MYSM1: variants seen among roughly 807,000 people sequenced by gnomAD.
The protein encoded by MYSM1 is deubiquitinase MYSM1.
A neutral mutation model predicts 116.0 loss-of-function variants in MYSM1; 51 were observed. The observed-to-expected ratio is 0.44, with a 90% confidence interval of 0.35 to 0.56. MYSM1 has a LOEUF of 0.56. Ranked by LOEUF, MYSM1 falls within the 20% of genes least tolerant of loss-of-function variation. The pLI, the probability that MYSM1 is intolerant of heterozygous loss-of-function variation, is 0.00. For missense variants in MYSM1, 900 were observed against 974.9 expected (o/e 0.92, Z 1.02); for synonymous variants, 313 against 315.2 (o/e 0.99, Z 0.07).
At chr1:58,686,726 C>T (rs1644832766) in intron 6 of MYSM1, among the ~76,000 whole-genome samples, 1 of 151,980 alleles carries the variant, frequency 6.6e-6, no homozygotes, top group Non-Finnish European at 1.5e-5. Flanking sequence ...AAATAGATAA[C>T]ATTGGTAGGT....
At chr1:58,674,755 C>T (rs994986113) in intron 10 of MYSM1, among the ~76,000 whole-genome samples, 2 of 151,752 alleles carry the variant, frequency 1.3e-5, no homozygotes, top group African/African-American at 4.8e-5. Context: ...GAAACCCTGT[C>T]TCTACTAAAA....
intron 10 of MYSM1, among the ~76,000 whole-genome samples, chr1:58,674,018 A>C (rs958489642): frequency 6.6e-6 from 1 of 152,144 alleles, no homozygotes; most frequent in African/African-American, 2.4e-5. Flanking sequence ...TAGGAGCTAA[A>C]ACACTATGAC....
chr1:58,681,207 T>C (rs1448660957), intron 8 of MYSM1, among the ~76,000 whole-genome samples: 1 of 152,224 alleles, frequency 6.6e-6, no homozygotes, highest in East Asian at 1.9e-4. Context: ...GTGGGAAATT[T>C]TGGGGTTTGT....
At position 58,656,766 on chromosome 1, in the gene MYSM1, G is replaced by A. The variant is rs1644324243; in HGVS notation, c.*3231C>T. The A allele has an allele frequency of 6.6e-6, 1 of 152,156 alleles. No individual in the cohort carries two copies. 9.4% of individuals were successfully genotyped at this position (152,156 alleles called of 1,614,324 possible). A position where few individuals can be genotyped will look rare whatever the true frequency, so the allele number is the denominator to read the frequency against. On this transcript the variant is annotated 3_prime_UTR_variant, in exon 20 of 20. Coordinates refer to ENST00000472487, the MANE Select transcript of MYSM1 (RefSeq NM_001085487.3). ...TGATGCCCTTCAGAATACAGGCAAT[G>A]CCAACTTATCCATTAGGCACAGTAC...
At chr1:58,690,946 T>C (rs889860367) in intron 3 of MYSM1, among the ~76,000 whole-genome samples, 11 of 152,128 alleles carry the variant, frequency 7.2e-5, no homozygotes, top group Admixed American at 5.2e-4. Context: ...AACATTTAGA[T>C]CAAATCTACC....
rs756651898 is a variant in MYSM1 at position 58,682,343 on chromosome 1, G to A, written c.701C>T (p.Ser234Phe). 7 of 1,614,086 alleles carry A rather than the reference G, an allele frequency of 4.3e-6. No individual in the cohort carries two copies. The highest frequency in any genetic ancestry group is 1.7e-5 in the Admixed American group (1 of 60,012). ...DITDEVDELS[S>F]QTPQKNSSSD... ...GCTAGAATTCTTCTGGGGTGTTTGA[G>A]AAGACAACTCGTCCACCTCATCTGT... Residue 234 changes from serine to phenylalanine, a missense_variant, in exon 8 of 20, where the codon TCT becomes TTT. Physicochemically the swap from Ser to Phe is radical, Grantham distance 155. Coordinates refer to ENST00000472487, the MANE Select transcript of MYSM1 (RefSeq NM_001085487.3).
chr1:58,673,777 A>G (rs1644601318), intron 10 of MYSM1, 127 bp from the exon 11 acceptor site: 1 of 742,528 alleles, frequency 1.3e-6, no homozygotes, highest in East Asian at 2.9e-5. Flanking sequence ...AAATAGTATA[A>G]CCTCTGGCAA....
chr1:58,670,269 G>C (rs991458996), intron 12 of MYSM1, among the ~76,000 whole-genome samples: 1 of 152,162 alleles, frequency 6.6e-6, no homozygotes, highest in African/African-American at 2.4e-5. Context: ...TGAGAAAATA[G>C]CACAGAAAGA....
chr1:58,675,647 C>T, intron 9 of MYSM1, 67 bp from the exon 10 acceptor site: 2 of 1,170,460 alleles, frequency 1.7e-6, no homozygotes. Context: ...AACAGTAAGA[C>T]ACATGTACAC....
At chr1:58,682,629 C>T in intron 7 of MYSM1, 84 bp from the exon 8 acceptor site, 1 of 1,273,542 alleles carries the variant, frequency 7.9e-7, no homozygotes, top group Non-Finnish European at 1.1e-6. Context: ...GATAAATATA[C>T]AGTGTTATTA....
chr1:58,674,549 A>G (rs1431329695), intron 10 of MYSM1, among the ~76,000 whole-genome samples: 1 of 152,208 alleles, frequency 6.6e-6, no homozygotes, highest in Non-Finnish European at 1.5e-5. Context: ...TAGCACCTAT[A>G]CTTTCTTTTT....
rs1223291615 is a variant in MYSM1 at position 58,659,019 on chromosome 1, A to G, written c.*978T>C. 6.8e-6 allele frequency: 1 copy of G among 146,808 alleles called. No individual in the cohort carries two copies. Among genetic ancestry groups the G allele is most frequent in the African/African-American group, 2.5e-5 (1 of 40,100 alleles). The allele number at this position is 146,808 out of a possible 1,614,324, so 9.1% of individuals were successfully genotyped here. A position where few individuals can be genotyped will look rare whatever the true frequency, so the allele number is the denominator to read the frequency against. Reference sequence around the variant, plus strand: ...CAAAGAAGAATGTCTCATAGACATCATATGTGGCCTGAAAAGCCAAAATTA... The same window carrying G: ...CAAAGAAGAATGTCTCATAGACATCGTATGTGGCCTGAAAAGCCAAAATTA... On this transcript the variant is annotated 3_prime_UTR_variant, in exon 20 of 20. Coordinates refer to ENST00000472487, the MANE Select transcript of MYSM1 (RefSeq NM_001085487.3).
intron 8 of MYSM1, 25 bp from the exon 9 acceptor site, chr1:58,677,081 TA>T (rs1644665341): frequency 1.4e-5 from 22 of 1,558,504 alleles, no homozygotes; most frequent in Non-Finnish European, 1.9e-5. Flanking sequence ...GAAGTACAAT[TA>T]TTTTGGATAA....
chr1:58,697,564 T>G (rs1228719687), intron 1 of MYSM1, among the ~76,000 whole-genome samples: 1 of 151,642 alleles, frequency 6.6e-6, no homozygotes, highest in South Asian at 2.1e-4. Context: ...GACAGAATGG[T>G]AGAAGTAGAA....
Position 58,660,015 on chromosome 1 carries a change from T to C in MYSM1, c.2469A>G (p.Thr823=), listed in dbSNP as rs757407544. 6.3e-7 allele frequency: 1 copy of C among 1,586,532 alleles called. No homozygotes were observed. Among genetic ancestry groups the C allele is most frequent in the Non-Finnish European group, 8.6e-7 (1 of 1,167,586 alleles). ...QENGVTEENC[T]KELLM is the part of the protein sequence containing the mutation. Reference sequence around the variant, plus strand: ...AAAATAATCACATTAACAATTCCTTTGTACAGTTCTCTTCGGTTACTCCAT... The same window carrying C: ...AAAATAATCACATTAACAATTCCTTCGTACAGTTCTCTTCGGTTACTCCAT... The change falls in exon 20 of 20, where the codon ACA becomes ACG. Residue 823 remains threonine, a synonymous_variant. Transcript: ENST00000472487.
rs145429465 is a variant in MYSM1 at position 58,688,759 on chromosome 1, C to A, written c.399+279G>T. The stretch of plus-strand genomic sequence containing the variant: ...ATCCAGGTAGTTGGTGTCATGTATA[C>A]AGATATACCTCAATTTCTTGGATTT... On this transcript the variant is annotated intron_variant, in intron 6 of 19. Transcript: ENST00000472487. Among the ~76,000 whole-genome samples the A allele has an allele frequency of 1.9e-3, 289 of 151,810 alleles. 1 individual carries two copies. Among genetic ancestry groups the A allele is most frequent in the African/African-American group, 6.7e-3 (277 of 41,452 alleles).
rs1425711276 is a variant in MYSM1 at position 58,682,250 on chromosome 1, G to C, written c.794C>G (p.Ser265Cys). ...AGAAAAGAGAGCTTCCTGGCTGTCA[G>C]AAGTAATGAATTCTCCTTGATTGGT... is the stretch of plus-strand genomic sequence containing the variant. ...HETNQGEFIT[S>C]DSQEALFSKS... Residue 265 changes from serine to cysteine, a missense_variant, in exon 8 of 20, where the codon TCT (serine) becomes TGT (cysteine). Physicochemically the swap from Ser to Cys is moderately radical, Grantham distance 112. Coordinates refer to ENST00000472487, the MANE Select transcript of MYSM1 (RefSeq NM_001085487.3). 1 of 1,612,516 alleles carries C rather than the reference G, an allele frequency of 6.2e-7. No individual in the cohort carries two copies. The highest frequency in any genetic ancestry group is 8.5e-7 in the Non-Finnish European group (1 of 1,178,798).
At chr1:58,673,059 T>C (rs1016063486) in intron 11 of MYSM1, among the ~76,000 whole-genome samples, 3 of 152,050 alleles carry the variant, frequency 2.0e-5, no homozygotes, top group African/African-American at 7.2e-5. Flanking sequence ...TTGAGGGAGG[T>C]ATTATTATTA....
intron 16 of MYSM1, 28 bp from the exon 17 acceptor site, chr1:58,665,659 T>C (rs756880078): frequency 8.5e-6 from 12 of 1,403,630 alleles, no homozygotes; most frequent in Admixed American, 2.0e-5. Flanking sequence ...ATATAATTAG[T>C]TTCAACTATA....
Sources: allele counts gnomAD v4.1 joint callset (sites outside exome capture counted in the v4.1 genomes callset), GRCh38; gene constraint gnomAD v4.1.1; transcripts MANE v1.5; gene names NCBI Gene and HGNC (gene_info 2026-07-23, HGNC 2026-07-21).